Variants in RAMP1 observed in about 807,000 individuals in gnomAD.
The protein encoded by RAMP1 is receptor activity-modifying protein 1.
Under a neutral mutation model 8.2 loss-of-function variants are expected in RAMP1, and 7 were observed. The observed-to-expected ratio is 0.85, with a 90% CI of 0.49 to 1.60. The LOEUF is 1.60. Among genes scored for constraint, RAMP1 ranks in the 40% most tolerant of loss-of-function variants. The probability of loss-of-function intolerance (pLI) is 0.00; values close to 1 mark genes in which losing one functional copy is unlikely to be tolerated. For synonymous variants in RAMP1, 92 were observed against 84.7 expected, an observed-to-expected ratio of 1.09 and a Z score of -0.47; for missense variants, 192 against 202.4, an observed-to-expected ratio of 0.95 and a Z score of 0.31.
chr2:237,887,615 G>A (rs1428057256), intron 2 of RAMP1, among the ~76,000 whole-genome samples: 2 of 152,220 alleles, frequency 1.3e-5, no homozygotes, highest in African/African-American at 4.8e-5. Flanking sequence ...ACTCCTGCTC[G>A]AGTTAAAGCC....
chr2:237,903,817 C>A (rs966946446), intron 2 of RAMP1, among the ~76,000 whole-genome samples: 1 of 152,226 alleles, frequency 6.6e-6, no homozygotes, highest in Non-Finnish European at 1.5e-5. Context: ...GCCTTAGCCT[C>A]CCGAGTAGCT....
intron 2 of RAMP1, among the ~76,000 whole-genome samples, chr2:237,909,388 G>A (rs1367021556): frequency 1.3e-5 from 2 of 152,148 alleles, no homozygotes; most frequent in East Asian, 3.9e-4. Flanking sequence ...GGGGTACCCA[G>A]TGGACCTTCA....
At position 237,877,211 on chromosome 2, in the gene RAMP1, G is replaced by T. The variant is rs199917306; in HGVS notation, c.53-13G>T. 2 of 1,613,614 alleles carry T rather than the reference G, an allele frequency of 1.2e-6. No individual in the cohort carries two copies. Among genetic ancestry groups the T allele is most frequent in the African/African-American group, 1.3e-5 (1 of 75,058 alleles). On this transcript the variant is annotated splice_polypyrimidine_tract_variant and intron_variant, in intron 1 of 2. Coordinates refer to ENST00000254661, the MANE Select transcript of RAMP1 (RefSeq NM_005855.4). The surrounding 1 kb of genome is among the most constrained non-coding windows in gnomAD (Gnocchi z 4.4). ...TGCCGCCCGCCATCTCTTCATGGCC[G>T]TGTCTATTTCAGCCCATCACCTCTT... is the stretch of plus-strand genomic sequence containing the variant.
chr2:237,908,866 A>G (rs556193910), intron 2 of RAMP1, among the ~76,000 whole-genome samples: 1 of 152,262 alleles, frequency 6.6e-6, no homozygotes, highest in East Asian at 1.9e-4. Flanking sequence ...TGGGGGTGAC[A>G]GGCTGTGCTG....
intron 2 of RAMP1, 23 bp from the exon 3 acceptor site, chr2:237,911,505 A>C (rs1470442943): frequency 6.2e-7 from 1 of 1,612,356 alleles, no homozygotes; most frequent in South Asian, 1.1e-5. Flanking sequence ...CCAGGGTCTT[A>C]CCACCTCCTC....
intron 1 of RAMP1, 154 bp downstream of exon 1, chr2:237,859,881 CG>C: frequency 4.3e-6 from 3 of 703,302 alleles, no homozygotes; most frequent in Non-Finnish European, 6.3e-6. Flanking sequence ...CGGGCCGCCC[CG>C]GTTCCAGGCG....
intron 2 of RAMP1, among the ~76,000 whole-genome samples, chr2:237,885,203 A>G (rs1481892099): frequency 6.6e-6 from 1 of 152,152 alleles, no homozygotes; most frequent in Non-Finnish European, 1.5e-5. Flanking sequence ...TTCAGCAGGA[A>G]CTGAGAGGGA....
chr2:237,893,095 A>G (rs1201059458), intron 2 of RAMP1, among the ~76,000 whole-genome samples: 3 of 152,152 alleles, frequency 2.0e-5, no homozygotes, highest in Non-Finnish European at 2.9e-5. Flanking sequence ...GAATTCAACA[A>G]TTTCTAAGGA....
intron 2 of RAMP1, among the ~76,000 whole-genome samples, chr2:237,895,220 C>A (rs747462919): frequency 6.6e-6 from 1 of 152,124 alleles, no homozygotes; most frequent in Non-Finnish European, 1.5e-5. Context: ...TGTGGGGCTC[C>A]CATCCAAAGG....
chr2:237,882,851 GTGTC>G (rs1257193817), intron 2 of RAMP1, among the ~76,000 whole-genome samples: 1 of 128,754 alleles, frequency 7.8e-6, no homozygotes, highest in African/African-American at 3.3e-5. Flanking sequence ...AGGTGGCACT[GTGTC>G]TGTTGGATGA....
chr2:237,891,567 C>CT (rs1390414025), intron 2 of RAMP1, among the ~76,000 whole-genome samples: 3 of 152,030 alleles, frequency 2.0e-5, no homozygotes, highest in South Asian at 2.1e-4. Flanking sequence ...TTCTTAATCT[C>CT]TTTTTTTGCC....
intron 1 of RAMP1, among the ~76,000 whole-genome samples, chr2:237,864,077 C>T (rs1437298338): frequency 1.3e-5 from 2 of 152,082 alleles, no homozygotes; most frequent in African/African-American, 4.8e-5. Context: ...GCCTTGGCTC[C>T]GGGGAAGCAG....
chr2:237,860,832 C>T (rs1165687272), intron 1 of RAMP1, among the ~76,000 whole-genome samples: 1 of 152,124 alleles, frequency 6.6e-6, no homozygotes, highest in African/African-American at 2.4e-5. Context: ...GGGGCCAGGG[C>T]TTCTTGGGAG....
chr2:237,911,377 C>A, intron 2 of RAMP1, 151 bp from the exon 3 acceptor site: 1 of 1,162,898 alleles, frequency 8.6e-7, no homozygotes, highest in Non-Finnish European at 1.2e-6. Flanking sequence ...CCCCTGCCCT[C>A]CTGGATCCAG....
In RAMP1 at chr2:237,877,954, T is replaced by C. The variant is rs905683919; in HGVS notation, c.191+592T>C. 3.3e-5 allele frequency: 33 copies of C among 985,286 alleles called. No individual in the cohort carries two copies. In the African/African-American group the frequency reaches 5.6e-4, roughly 17 times the overall value. 61.0% of individuals were successfully genotyped at this position (985,286 alleles called of 1,614,324 possible). A position where few individuals can be genotyped will look rare whatever the true frequency, so the allele number is the denominator to read the frequency against. ...TTGCCTCCCTCAGCCTCCTGGGTGC[T>C]GGGCCCCCATCAGCAGGCCGGGGGG... On this transcript the variant is annotated intron_variant, in intron 2 of 2. Coordinates refer to ENST00000254661, the MANE Select transcript of RAMP1 (RefSeq NM_005855.4). The surrounding 1 kb of genome is among the most constrained non-coding windows in gnomAD (Gnocchi z 4.4).
intron 2 of RAMP1, among the ~76,000 whole-genome samples, chr2:237,910,193 G>C (rs913822115): frequency 6.6e-6 from 1 of 151,588 alleles, no homozygotes; most frequent in African/African-American, 2.4e-5. Context: ...CACACACACA[G>C]AATAACACAG....
In RAMP1 at chr2:237,877,892, C is replaced by T. The variant is rs1368708985; in HGVS notation, c.191+530C>T. 1.1e-6 allele frequency: 1 copy of T among 936,670 alleles called. No homozygotes were observed. Among genetic ancestry groups the T allele is most frequent in the Non-Finnish European group, 1.3e-6 (1 of 785,744 alleles). 58.0% of individuals were successfully genotyped at this position (936,670 alleles called of 1,614,324 possible). A position where few individuals can be genotyped will look rare whatever the true frequency, so the allele number is the denominator to read the frequency against. On this transcript the variant is annotated intron_variant, in intron 2 of 2. Coordinates refer to ENST00000254661, the MANE Select transcript of RAMP1 (RefSeq NM_005855.4). The surrounding 1 kb of genome is among the most constrained non-coding windows in gnomAD (Gnocchi z 4.4). ...TTCCCCACCTGGCCCGATCCTCCTG[C>T]CCAAGGGCCCTTCTTCCCGCTTGAG...
At chr2:237,898,919 C>T (rs1290081942) in intron 2 of RAMP1, among the ~76,000 whole-genome samples, 1 of 152,234 alleles carries the variant, frequency 6.6e-6, no homozygotes, top group South Asian at 2.1e-4. Flanking sequence ...TTCACAGAAT[C>T]CTGGGTGTGA....
In RAMP1 at chr2:237,885,434, G is replaced by A. The variant is rs184568767; in HGVS notation, c.191+8072G>A. Among the ~76,000 whole-genome samples the A allele has an allele frequency of 2.2e-3, 342 of 152,358 alleles. 1 individual carries two copies. The highest frequency in any genetic ancestry group is 7.4e-3 in the African/African-American group (306 of 41,602). On this transcript the variant is annotated intron_variant, in intron 2 of 2. Coordinates refer to ENST00000254661, the MANE Select transcript of RAMP1 (RefSeq NM_005855.4). ...GTACAGCATCTGGGGCTGCCTCGGT[G>A]CCCTCGTGGGTTTGTTCATGGCGGT...
Sources: allele counts gnomAD v4.1 joint callset (sites outside exome capture counted in the v4.1 genomes callset), GRCh38; gene constraint gnomAD v4.1.1; non-coding constraint Gnocchi (gnomAD v3.1); transcripts MANE v1.5; gene names NCBI Gene and HGNC (gene_info 2026-07-23, HGNC 2026-07-21).